Variants in CFAP43 observed in about 807,000 individuals in gnomAD.
CFAP43 encodes cilia and flagella associated protein 43.
In CFAP43, 155 loss-of-function variants were observed where a neutral mutation model predicts 218.9. The observed-to-expected ratio is 0.71, with a 90% confidence interval of 0.62 to 0.81. The LOEUF (loss-of-function observed/expected upper bound fraction) is 0.81. Among genes scored for constraint, CFAP43 ranks in the 30% least tolerant of loss-of-function variants. The pLI is 0.00. For missense variants in CFAP43, 1,778 were observed against 1,954.3 expected (o/e 0.91, Z 1.70); for synonymous variants, 645 against 681.3 (o/e 0.95, Z 0.83).
chr10:104,206,047 A>T lies in CFAP43; in HGVS notation c.896-17T>A. 2 of 1,591,272 alleles carry T rather than the reference A, an allele frequency of 1.3e-6. No individual in the cohort carries two copies. The highest frequency in any genetic ancestry group is 4.5e-5 in the East Asian group (2 of 44,698). On this transcript the variant is annotated splice_polypyrimidine_tract_variant and intron_variant, in intron 6 of 37. Coordinates refer to ENST00000357060, the MANE Select transcript of CFAP43 (RefSeq NM_025145.7). Reference sequence around the variant, plus strand: ...TTCTTCTGTCTTCTGGAAAAGAAAAACAAGGTAAAGCAGGTGACGTAATTA... The same window carrying T: ...TTCTTCTGTCTTCTGGAAAAGAAAATCAAGGTAAAGCAGGTGACGTAATTA...
intron 35 of CFAP43, among the ~76,000 whole-genome samples, chr10:104,133,154 GT>G (rs1340148817): frequency 2.6e-5 from 4 of 152,188 alleles, no homozygotes; most frequent in African/African-American, 4.8e-5. Context: ...GATCGTTGAA[GT>G]TAGAAAAACA....
intron 14 of CFAP43, among the ~76,000 whole-genome samples, chr10:104,186,502 G>A (rs1203407067): frequency 6.6e-6 from 1 of 152,036 alleles, no homozygotes; most frequent in Non-Finnish European, 1.5e-5. Context: ...CCAAGCCTCT[G>A]CACGTGTCCT....
chr10:104,220,231 C>T (rs759658182), intron 3 of CFAP43, among the ~76,000 whole-genome samples: 14 of 152,206 alleles, frequency 9.2e-5, no homozygotes, highest in Non-Finnish European at 1.6e-4. Flanking sequence ...TTCTCTCTCA[C>T]AGCCCTCAGT....
chr10:104,168,777 C>T lies in CFAP43; in HGVS notation c.2658G>A (p.Trp886Ter), dbSNP rs139080358. ...YLAELIKEEC[W>*]NSMAVKGRAL... The stretch of plus-strand genomic sequence containing the variant: ...CTCGACCTTTCACAGCCATCGAATT[C>T]CAACATTCTTCTTTGATAAGTTCAG... Residue 886 changes from tryptophan (W) to a stop codon, truncating the protein, a stop_gained, in exon 21 of 38, where the codon TGG becomes TGA. Transcript: ENST00000357060. LOFTEE classifies it high-confidence loss of function. 372 of 1,614,112 alleles carry T rather than the reference C, an allele frequency of 2.3e-4. No homozygotes were observed. Among genetic ancestry groups the T allele is most frequent in the Non-Finnish European group, 2.9e-4 (341 of 1,180,024 alleles).
At chr10:104,202,611 T>C (rs2090564736) in intron 8 of CFAP43, among the ~76,000 whole-genome samples, 1 of 152,228 alleles carries the variant, frequency 6.6e-6, no homozygotes, top group Non-Finnish European at 1.5e-5. Context: ...TTCTGATCTA[T>C]CTTCGAATTC....
chr10:104,212,783 T>A (rs2090903770), intron 4 of CFAP43, among the ~76,000 whole-genome samples: 1 of 152,226 alleles, frequency 6.6e-6, no homozygotes, highest in African/African-American at 2.4e-5. Context: ...TTTAGAGAAT[T>A]TGTGGTTTCA....
At chr10:104,162,267 T>A in intron 25 of CFAP43, 50 bp downstream of exon 25, 1 of 1,527,936 alleles carries the variant, frequency 6.5e-7, no homozygotes, top group Non-Finnish European at 9.1e-7. Flanking sequence ...GGAAGCAGTA[T>A]CCCTAAAGCA....
chr10:104,154,910 T>C (rs2088458974), intron 27 of CFAP43, among the ~76,000 whole-genome samples: 1 of 152,136 alleles, frequency 6.6e-6, no homozygotes. Context: ...TTGGGCCCTG[T>C]CTTAAGTCTC....
chr10:104,132,086 GAT>G, intron 36 of CFAP43, 28 bp downstream of exon 36: 1 of 1,496,666 alleles, frequency 6.7e-7, no homozygotes, highest in Non-Finnish European at 9.1e-7. Flanking sequence ...CAACTGTTAG[GAT>G]ATAATAACCA....
chr10:104,130,305 C>A lies in CFAP43; in HGVS notation c.4832G>T (p.Gly1611Val). The stretch of plus-strand genomic sequence containing the variant: ...AATCTTTTCACAAGTCAGTTTAGAC[C>A]CTATCCCAAAAATGAATAAAGGAAT... Reference protein sequence around the residue: ...SERKDICNAMGSKLTCEKIVK... With the variant: ...SERKDICNAMVSKLTCEKIVK... The change falls in exon 38 of 38, where the codon GGG becomes GTG. Residue 1611 changes from glycine to valine, a missense_variant and splice_region_variant. This residue lies in a region of CFAP43 where 211 missense variants were observed against 230.6 expected (regional missense o/e 0.91). Coordinates refer to ENST00000357060, the MANE Select transcript of CFAP43 (RefSeq NM_025145.7). 1 of 1,602,724 alleles carries A rather than the reference C, an allele frequency of 6.2e-7. No individual in the cohort carries two copies. Among genetic ancestry groups the A allele is most frequent in the Non-Finnish European group, 8.5e-7 (1 of 1,177,662 alleles).
chr10:104,232,277 A>C lies in CFAP43; in HGVS notation c.-31T>G. On this transcript the variant is annotated 5_prime_UTR_variant, in exon 1 of 38. Transcript: ENST00000357060. The stretch of plus-strand genomic sequence containing the variant: ...GTGTTTTCCTCAGGCGGGAGCAGGC[A>C]GCGCACGCAGCACCCCAGGGCGGGT... 6.4e-7 allele frequency: 1 copy of C among 1,574,326 alleles called. No homozygotes were observed. Among genetic ancestry groups the C allele is most frequent in the Non-Finnish European group, 8.6e-7 (1 of 1,162,984 alleles).
chr10:104,174,793 C>A (rs983956826), intron 19 of CFAP43, among the ~76,000 whole-genome samples: 1 of 151,736 alleles, frequency 6.6e-6, no homozygotes, highest in East Asian at 1.9e-4. Flanking sequence ...TGGTGGCCCA[C>A]GCCTGTAATC....
intron 2 of CFAP43, 81 bp from the exon 3 acceptor site, chr10:104,225,638 T>C: frequency 8.6e-7 from 1 of 1,159,872 alleles, no homozygotes; most frequent in East Asian, 2.8e-5. Context: ...TTTATTTTCC[T>C]TTGCTAATGA....
At chr10:104,198,887 G>C (rs1344764759) in intron 8 of CFAP43, among the ~76,000 whole-genome samples, 1 of 151,914 alleles carries the variant, frequency 6.6e-6, no homozygotes, top group Non-Finnish European at 1.5e-5. Flanking sequence ...CTGACCTCAA[G>C]TAATCCCCCC....
chr10:104,216,386 C>T (rs1212012641), intron 3 of CFAP43, among the ~76,000 whole-genome samples: 3 of 152,182 alleles, frequency 2.0e-5, no homozygotes, highest in East Asian at 1.9e-4. Context: ...GTGTCTGGGC[C>T]CTTGACCCCG....
chr10:104,168,672 T>C lies in CFAP43; in HGVS notation c.2691+72A>G. On this transcript the variant is annotated intron_variant, in intron 21 of 37. Coordinates refer to ENST00000357060, the MANE Select transcript of CFAP43 (RefSeq NM_025145.7). ...TGCTATGCCTGAATTTTCTTAAATT[T>C]ATTTTTAAAACTTTCCTGAGCTTTT... is the stretch of plus-strand genomic sequence containing the variant. The C allele has an allele frequency of 3.7e-6, 5 of 1,346,362 alleles. No homozygotes were observed. The South Asian group carries it at 4.8e-5, about 13-fold the overall frequency. The allele number at this position is 1,346,362 out of a possible 1,614,324, so 83.4% of individuals were successfully genotyped here.
intron 5 of CFAP43, among the ~76,000 whole-genome samples, chr10:104,211,138 C>A (rs546333783): frequency 6.6e-6 from 1 of 152,110 alleles, no homozygotes; most frequent in East Asian, 1.9e-4. Context: ...CCCCAGAGGC[C>A]TTCCTTAACC....
chr10:104,206,387 C>T (rs777799826), intron 6 of CFAP43, among the ~76,000 whole-genome samples: 3 of 152,078 alleles, frequency 2.0e-5, no homozygotes, highest in Non-Finnish European at 4.4e-5. Context: ...GATTCAGAGA[C>T]AGTAAGTGCC....
Position 104,150,950 on chromosome 10 carries a change from T to C in CFAP43, c.3660+1657A>G, listed in dbSNP as rs1268289025. On this transcript the variant is annotated intron_variant, in intron 28 of 37. Coordinates refer to ENST00000357060, the MANE Select transcript of CFAP43 (RefSeq NM_025145.7). ...TGTTGTTCCCCTCTATGTGCCCATG[T>C]GTTCTCATCATTTAGCTCCCACTTA... Among the ~76,000 whole-genome samples, 3 of 152,064 alleles carry C rather than the reference T, an allele frequency of 2.0e-5. No individual in the cohort carries two copies. The East Asian group carries it at 5.8e-4, about 29-fold the overall frequency.
Sources: allele counts gnomAD v4.1 joint callset (sites outside exome capture counted in the v4.1 genomes callset), GRCh38; gene constraint gnomAD v4.1.1; regional missense constraint gnomAD v4.1.1; transcripts MANE v1.5; gene names NCBI Gene and HGNC (gene_info 2026-07-23, HGNC 2026-07-21).